ACOT12: variants seen among roughly 807,000 people sequenced by gnomAD.
ACOT12 encodes acyl-CoA thioesterase 12, also known as acetyl-coenzyme A thioesterase.
In ACOT12, 51 loss-of-function variants were observed where a neutral mutation model predicts 67.7. That is an observed-to-expected ratio of 0.75 (90% CI 0.60 to 0.95). ACOT12 has a LOEUF of 0.95. Among genes scored for constraint, ACOT12 ranks in the 40% least tolerant of loss-of-function variants. ACOT12 has a pLI of 0.00. For missense variants in ACOT12, 734 were observed against 708.1 expected, an observed-to-expected ratio of 1.04 and a Z score of -0.41; for synonymous variants, 251 against 244.6, an observed-to-expected ratio of 1.03 and a Z score of -0.24.
At position 81,363,861 on chromosome 5, in the gene ACOT12, A is replaced by G; in HGVS notation, c.287T>C (p.Met96Thr). 2 of 1,611,914 alleles carry G rather than the reference A, an allele frequency of 1.2e-6. No homozygotes were observed. Among genetic ancestry groups the G allele is most frequent in the Non-Finnish European group, 1.7e-6 (2 of 1,179,226 alleles). ...AACAAGCTTCTCAATGCCAGTGAGC[A>G]TATCCTGTACCATGACCTTGATACT... ...EISIKVMVQD[M>T]LTGIEKLVSV... is the part of the protein sequence containing the mutation. The change falls in exon 4 of 15, where the codon ATG becomes ACG. Residue 96 changes from methionine (M) to threonine (T), a missense_variant. Transcript: ENST00000307624.
At chr5:81,377,627 G>T (rs185227195) in intron 2 of ACOT12, among the ~76,000 whole-genome samples, 1 of 152,210 alleles carries the variant, frequency 6.6e-6, no homozygotes, top group Non-Finnish European at 1.5e-5. Context: ...AAGCTGATAA[G>T]CAACTTCAGC....
At chr5:81,347,483 A>G (rs999302954) in intron 6 of ACOT12, among the ~76,000 whole-genome samples, 1 of 152,218 alleles carries the variant, frequency 6.6e-6, no homozygotes, top group African/African-American at 2.4e-5. Context: ...TAAGCTATCA[A>G]GACAATGAGT....
chr5:81,359,674 T>C (rs1404375925), intron 5 of ACOT12, among the ~76,000 whole-genome samples: 1 of 152,180 alleles, frequency 6.6e-6, no homozygotes, highest in East Asian at 1.9e-4. Context: ...TCACCCTTTT[T>C]CCCCATCTCC....
intron 11 of ACOT12, among the ~76,000 whole-genome samples, chr5:81,341,845 C>T (rs1344895730): frequency 6.6e-6 from 1 of 152,152 alleles, no homozygotes; most frequent in East Asian, 1.9e-4. Flanking sequence ...CCAGACAAGG[C>T]CTCTTTCTTA....
At chr5:81,339,817 C>G (rs1418687231) in intron 11 of ACOT12, among the ~76,000 whole-genome samples, 1 of 152,122 alleles carries the variant, frequency 6.6e-6, no homozygotes, top group Non-Finnish European at 1.5e-5. Flanking sequence ...AAACCATAAG[C>G]CCTATCCAAT....
intron 11 of ACOT12, among the ~76,000 whole-genome samples, chr5:81,340,488 A>T (rs575405253): frequency 1.3e-5 from 2 of 151,844 alleles, no homozygotes; most frequent in Admixed American, 1.3e-4. Context: ...CAGCCTCCCA[A>T]ATAGCTGGGA....
downstream of ACOT12, among the ~76,000 whole-genome samples, chr5:81,327,527 G>A (rs996620612): frequency 6.6e-6 from 1 of 152,110 alleles, no homozygotes; most frequent in Non-Finnish European, 1.5e-5. Context: ...TGCAACCTTC[G>A]CCTCCCAGGT....
chr5:81,330,256 T>G lies in ACOT12; in HGVS notation c.*138A>C. 1 of 982,694 alleles carries G rather than the reference T, an allele frequency of 1.0e-6. No individual in the cohort carries two copies. Among genetic ancestry groups the G allele is most frequent in the Non-Finnish European group, 1.4e-6 (1 of 693,770 alleles). 60.9% of individuals were successfully genotyped at this position (982,694 alleles called of 1,614,324 possible). A position where few individuals can be genotyped will look rare whatever the true frequency, so the allele number is the denominator to read the frequency against. On this transcript the variant is annotated 3_prime_UTR_variant, in exon 15 of 15. Transcript: ENST00000307624. ...GGTATTTGACTTAAGATGCATTTTG[T>G]TTTTTAACTCCGTCACTGCATTTTG...
At chr5:81,366,895 T>G (rs185581818) in intron 3 of ACOT12, among the ~76,000 whole-genome samples, 4 of 152,272 alleles carry the variant, frequency 2.6e-5, no homozygotes, top group Admixed American at 2.6e-4. Context: ...ACAGTATCAG[T>G]GACCCGTGGA....
At chr5:81,346,505 T>G (rs1759386089) in intron 6 of ACOT12, among the ~76,000 whole-genome samples, 1 of 152,270 alleles carries the variant, frequency 6.6e-6, no homozygotes, top group African/African-American at 2.4e-5. Flanking sequence ...CCTGAAAGGC[T>G]AGGAGATACA....
chr5:81,317,563 G>A, the ACOT12 span, among the ~76,000 whole-genome samples: 6 of 151,882 alleles, frequency 4.0e-5, no homozygotes, highest in Non-Finnish European at 8.8e-5. Flanking sequence ...CAGGAAGCAT[G>A]GCTAAGAGGC....
At position 81,337,014 on chromosome 5, in the gene ACOT12, G is replaced by T. The variant is rs1580532421; in HGVS notation, c.1129-1113C>A. On this transcript the variant is annotated intron_variant, in intron 11 of 14. Coordinates refer to ENST00000307624, the MANE Select transcript of ACOT12 (RefSeq NM_130767.3). ...CAAAGGAAGACATGACTGAGGCTGT[G>T]AGCACTTATCAAACACCAAGAAAAC... 4.6e-5 allele frequency among the ~76,000 whole-genome samples: 7 copies of T among 152,346 alleles called. 1 individual carries two copies. In the South Asian group the frequency reaches 1.4e-3, roughly 32 times the overall value.
Position 81,347,759 on chromosome 5 carries a change from G to A in ACOT12, c.653+15C>T. ...CTGGTCCCAAAATCATAGGCCGAAG[G>A]TCAAAACCAAGAACCTTGCAGAAAT... On this transcript the variant is annotated intron_variant, in intron 6 of 14. Transcript: ENST00000307624. 4 of 1,612,204 alleles carry A rather than the reference G, an allele frequency of 2.5e-6. No individual in the cohort carries two copies. Among genetic ancestry groups the A allele is most frequent in the African/African-American group, 1.3e-5 (1 of 74,972 alleles).
intron 5 of ACOT12, among the ~76,000 whole-genome samples, chr5:81,349,291 A>G (rs995111039): frequency 2.0e-5 from 3 of 152,150 alleles, no homozygotes; most frequent in African/African-American, 7.2e-5. Context: ...CCCCAGCTTA[A>G]AACAAGTCAG....
chr5:81,360,141 A>G (rs1182963219), intron 4 of ACOT12, 103 bp from the exon 5 acceptor site: 17 of 1,183,652 alleles, frequency 1.4e-5, no homozygotes, highest in Middle Eastern at 2.4e-4. Flanking sequence ...TTCTAACTCA[A>G]GTAAATAGAG....
intron 13 of ACOT12, 38 bp downstream of exon 13, chr5:81,332,439 T>C (rs1264146555): frequency 6.2e-6 from 10 of 1,606,716 alleles, no homozygotes; most frequent in East Asian, 2.2e-5. Context: ...TCCTATACTA[T>C]GAAATATTAA....
chr5:81,369,441 T>C (rs1760180034), intron 3 of ACOT12, among the ~76,000 whole-genome samples: 1 of 152,174 alleles, frequency 6.6e-6, no homozygotes, highest in Admixed American at 6.5e-5. Flanking sequence ...AAAGGACATG[T>C]CCAGTTTGAA....
intron 1 of ACOT12, 127 bp downstream of exon 1, chr5:81,393,860 TC>T (rs1421776547): frequency 9.3e-7 from 1 of 1,076,052 alleles, no homozygotes; most frequent in African/African-American, 1.7e-5. Context: ...AACACCCCTA[TC>T]CCTGGCTGCG....
rs554704391 is a variant in ACOT12, at chr5:81,379,897, C to T, written c.197+5860G>A. Among the ~76,000 whole-genome samples the T allele has an allele frequency of 1.1e-3, 171 of 152,062 alleles. 1 individual carries two copies. Among genetic ancestry groups the T allele is most frequent in the Admixed American group, 2.4e-3 (37 of 15,270 alleles). On this transcript the variant is annotated intron_variant, in intron 2 of 14. Coordinates refer to ENST00000307624, the MANE Select transcript of ACOT12 (RefSeq NM_130767.3). Reference sequence around the variant, plus strand: ...TACAGCATGAGCCAGTGCATCTGGCCCAGATATATTAAAGACAGTCTACAA... The same window carrying T: ...TACAGCATGAGCCAGTGCATCTGGCTCAGATATATTAAAGACAGTCTACAA...
Sources: allele counts gnomAD v4.1 joint callset (sites outside exome capture counted in the v4.1 genomes callset), GRCh38; gene constraint gnomAD v4.1.1; transcripts MANE v1.5; gene names NCBI Gene and HGNC (gene_info 2026-07-23, HGNC 2026-07-21).